The following PHLPP2 variants were observed in gnomAD, a reference collection of about 807,000 sequenced individuals.
PHLPP2 encodes PH domain leucine-rich repeat-containing protein phosphatase 2.
Under a neutral mutation model 124.9 loss-of-function variants are expected in PHLPP2, and 66 were observed. The ratio of observed to expected loss-of-function variants is 0.53; its 90% CI spans 0.43 to 0.65. The LOEUF (loss-of-function observed/expected upper bound fraction) is 0.65. PHLPP2 is among the 30% of genes least tolerant of loss of function. The pLI is 0.00. For synonymous variants in PHLPP2, 681 were observed against 624.7 expected, an observed-to-expected ratio of 1.09 and a Z score of -1.34; for missense variants, 1,685 against 1,600.4, an observed-to-expected ratio of 1.05 and a Z score of -0.90.
At chr16:71,698,677 A>G (rs539440907) in intron 3 of PHLPP2, 60 of 505,826 alleles carry the variant, frequency 1.2e-4, no homozygotes, top group Admixed American at 2.0e-4. Flanking sequence ...GAGGAAAGGA[A>G]CTCAGTTGGC....
At chr16:71,687,489 TCTGA>T (rs1461677779) in intron 4 of PHLPP2, among the ~76,000 whole-genome samples, 7 of 152,318 alleles carry the variant, frequency 4.6e-5, no homozygotes, top group African/African-American at 1.7e-4. Context: ...TAAAATAACA[TCTGA>T]CTATCACAAT....
chr16:71,647,585 T>G lies in PHLPP2; in HGVS notation c.*1305A>C, dbSNP rs1461331051. ...CGTTTCAGAGTCATCTGCCATAACTTAAGGTCACGTGGATGCAAGCAGTGT... is the reference window on the plus strand; with the variant it reads ...CGTTTCAGAGTCATCTGCCATAACTGAAGGTCACGTGGATGCAAGCAGTGT... On this transcript the variant is annotated 3_prime_UTR_variant, in exon 19 of 19. Transcript: ENST00000568954. The G allele has an allele frequency of 6.6e-6, 1 of 152,154 alleles. No individual in the cohort carries two copies. Among genetic ancestry groups the G allele is most frequent in the Non-Finnish European group, 1.5e-5 (1 of 68,048 alleles). 9.4% of individuals were successfully genotyped at this position (152,154 alleles called of 1,614,324 possible).
chr16:71,695,395 C>A (rs565526739), intron 3 of PHLPP2, among the ~76,000 whole-genome samples: 1 of 152,040 alleles, frequency 6.6e-6, no homozygotes, highest in Non-Finnish European at 1.5e-5. Context: ...ACATGATGTC[C>A]AATACTATGC....
chr16:71,675,478 A>T (rs2044937575), intron 9 of PHLPP2, among the ~76,000 whole-genome samples: 1 of 152,224 alleles, frequency 6.6e-6, no homozygotes, highest in Admixed American at 6.5e-5. Context: ...CTGAGGCTAC[A>T]CAAGCTTTTA....
intron 10 of PHLPP2, among the ~76,000 whole-genome samples, chr16:71,671,242 G>C (rs944562062): frequency 6.6e-6 from 1 of 152,148 alleles, no homozygotes; most frequent in Non-Finnish European, 1.5e-5. Context: ...ATAAAGTAAC[G>C]AAATCAACAA....
At chr16:71,656,125 C>G (rs2044740232) in intron 16 of PHLPP2, among the ~76,000 whole-genome samples, 1 of 152,036 alleles carries the variant, frequency 6.6e-6, no homozygotes, top group Non-Finnish European at 1.5e-5. Flanking sequence ...CCCATGGAAC[C>G]CCGGGGTATA....
In PHLPP2 at chr16:71,668,415, C is replaced by CAAAA. The variant is rs34860764; in HGVS notation, c.1628+856_1628+859dup. ...TGGGCGATAGAGCGAGACTCTGTCT[C>CAAAA]AAAAAAAAAAAAAAAAAAAAAAAAA... is the stretch of plus-strand genomic sequence containing the variant. On this transcript the variant is annotated intron_variant, in intron 11 of 18. Coordinates refer to ENST00000568954, the MANE Select transcript of PHLPP2 (RefSeq NM_015020.3). Among the ~76,000 whole-genome samples the CAAAA allele has an allele frequency of 2.2e-4, 6 of 26,930 alleles. 1 individual carries two copies. The highest frequency in any genetic ancestry group is 4.9e-4 in the African/African-American group (3 of 6,112). 17.7% of individuals were successfully genotyped at this position (26,930 alleles called of 152,430 possible).
chr16:71,694,583 A>G (rs902487963), intron 3 of PHLPP2, among the ~76,000 whole-genome samples: 1 of 152,234 alleles, frequency 6.6e-6, no homozygotes, highest in African/African-American at 2.4e-5. Context: ...TGAGTCACAA[A>G]TATAGTACCC....
Position 71,658,267 on chromosome 16 carries a change from G to C in PHLPP2, c.2245C>G (p.Leu749Val). 1 of 1,613,930 alleles carries C rather than the reference G, an allele frequency of 6.2e-7. No homozygotes were observed. The highest frequency in any genetic ancestry group is 8.5e-7 in the Non-Finnish European group (1 of 1,179,870). The change falls in exon 15 of 19, where the codon CTG becomes GTG. Residue 749 changes from leucine to valine, a missense_variant. By Grantham distance (32) the Leu-to-Val change is conservative (BLOSUM62 1). Transcript: ENST00000568954. ...QDLDLTGNTN[L>V]VLEHKTLDIF... Reference sequence around the variant, plus strand: ...TCCAGTGTCTTGTGTTCCAGAACCAGATTTGTATTTCCAGTCAGGTCAAGG... The same window carrying C: ...TCCAGTGTCTTGTGTTCCAGAACCACATTTGTATTTCCAGTCAGGTCAAGG...
chr16:71,685,218 T>A (rs957853942), intron 4 of PHLPP2, among the ~76,000 whole-genome samples: 1 of 152,112 alleles, frequency 6.6e-6, no homozygotes, highest in Non-Finnish European at 1.5e-5. Flanking sequence ...TCCCAGCTAC[T>A]TGGGAGGCTG....
intron 9 of PHLPP2, among the ~76,000 whole-genome samples, chr16:71,673,665 C>T (rs2044915192): frequency 6.6e-6 from 1 of 152,044 alleles, no homozygotes; most frequent in Non-Finnish European, 1.5e-5. Context: ...TAAAATATTT[C>T]ATTTATCTGT....
chr16:71,678,693 C>A, intron 8 of PHLPP2, 62 bp downstream of exon 8: 5 of 876,902 alleles, frequency 5.7e-6, no homozygotes, highest in Non-Finnish European at 9.5e-6. Context: ...TCTTCATAAA[C>A]AGAAGACATA....
chr16:71,688,389 G>C (rs1359478295), intron 4 of PHLPP2, among the ~76,000 whole-genome samples: 1 of 152,152 alleles, frequency 6.6e-6, no homozygotes, highest in Non-Finnish European at 1.5e-5. Flanking sequence ...TTTAGTAACT[G>C]TATTTTTATT....
Position 71,663,920 on chromosome 16 carries a change from T to G in PHLPP2, c.1964A>C (p.Gln655Pro), listed in dbSNP as rs139342735. ...HLRILHLANNQLQTFPASKLN... is the reference protein window; with the variant it reads ...HLRILHLANNPLQTFPASKLN... ...TTACCTTGCAGGAAAGGTCTGTAAC[T>G]GATTGTTTGCAAGGTGCAAGATTCG... The change falls in exon 13 of 19, where the codon CAG becomes CCG. Residue 655 changes from glutamine to proline, a missense_variant. Coordinates refer to ENST00000568954, the MANE Select transcript of PHLPP2 (RefSeq NM_015020.3). The G allele has an allele frequency of 6.2e-7, 1 of 1,613,716 alleles. No homozygotes were observed. Among genetic ancestry groups the G allele is most frequent in the Non-Finnish European group, 8.5e-7 (1 of 1,179,688 alleles).
At chr16:71,669,134 C>T in intron 11 of PHLPP2, 141 bp downstream of exon 11, 2 of 573,112 alleles carry the variant, frequency 3.5e-6, no homozygotes, top group African/African-American at 1.9e-5. Context: ...ATGTTCCTTA[C>T]AGCACATCAC....
intron 3 of PHLPP2, among the ~76,000 whole-genome samples, chr16:71,690,977 C>T (rs2045105725): frequency 6.6e-6 from 1 of 152,138 alleles, no homozygotes; most frequent in Admixed American, 6.6e-5. Flanking sequence ...CTCCTATGTA[C>T]CCAGAGAAAG....
intron 4 of PHLPP2, among the ~76,000 whole-genome samples, chr16:71,686,718 T>C (rs1255290210): frequency 1.3e-5 from 2 of 152,104 alleles, no homozygotes; most frequent in Non-Finnish European, 2.9e-5. Context: ...CTTCTTTCAC[T>C]CAGAATTATG....
chr16:71,656,748 A>T, intron 15 of PHLPP2, 67 bp from the exon 16 acceptor site: 1 of 959,810 alleles, frequency 1.0e-6, no homozygotes. Flanking sequence ...TCCCAACAAT[A>T]GTATTCTTTT....
chr16:71,683,843 T>C (rs1284592543), intron 5 of PHLPP2, among the ~76,000 whole-genome samples: 1 of 151,946 alleles, frequency 6.6e-6, no homozygotes, highest in Non-Finnish European at 1.5e-5. Flanking sequence ...CGGGCTGGAG[T>C]GCAATGGAAT....
Sources: allele counts gnomAD v4.1 joint callset (sites outside exome capture counted in the v4.1 genomes callset), GRCh38; gene constraint gnomAD v4.1.1; transcripts MANE v1.5; gene names NCBI Gene and HGNC (gene_info 2026-07-23, HGNC 2026-07-21).